The following HPF1 variants were observed in gnomAD, a reference collection of about 807,000 sequenced individuals.
The protein encoded by HPF1 is UPF0609 protein C4orf27.
HPF1 carries 35 observed loss-of-function variants against 38.8 expected under a neutral mutation model. That is an observed-to-expected ratio of 0.90 (90% CI 0.69 to 1.19). HPF1 has a LOEUF of 1.19. Among genes scored for constraint, HPF1 ranks in the 50% most tolerant of loss-of-function variants. The pLI is 0.00. For missense variants in HPF1, 367 were observed against 405.8 expected (o/e 0.90, Z 0.82); for synonymous variants, 115 against 139.2 (o/e 0.83, Z 1.22).
rs1474940550 is a variant in HPF1, at chr4:169,748,861, T to C, written c.399-19A>G. On this transcript the variant is annotated intron_variant, in intron 3 of 7. Transcript: ENST00000393381. ...AGAATCCCTGTGTAAGCAAAAGACA[T>C]TAAAAATTTAGCTGCCCATAATTTA... The C allele has an allele frequency of 5.9e-6, 7 of 1,180,692 alleles. No individual in the cohort carries two copies. The highest frequency in any genetic ancestry group is 8.5e-6 in the Non-Finnish European group (7 of 826,594). 73.1% of individuals were successfully genotyped at this position (1,180,692 alleles called of 1,614,324 possible). A position where few individuals can be genotyped will look rare whatever the true frequency, so the allele number is the denominator to read the frequency against.
At chr4:169,736,030 A>G (rs1316614620) in intron 6 of HPF1, among the ~76,000 whole-genome samples, 3 of 152,064 alleles carry the variant, frequency 2.0e-5, no homozygotes, top group Non-Finnish European at 4.4e-5. Context: ...CATATAATCA[A>G]TGTAAGAAAC....
chr4:169,742,346 T>A (rs1733980283), intron 4 of HPF1, among the ~76,000 whole-genome samples: 1 of 152,228 alleles, frequency 6.6e-6, no homozygotes, highest in Admixed American at 6.5e-5. Context: ...ATTAGCACTC[T>A]AATGTCTACA....
At chr4:169,749,675 C>A (rs1388249071) in intron 3 of HPF1, among the ~76,000 whole-genome samples, 1 of 136,856 alleles carries the variant, frequency 7.3e-6, no homozygotes, top group South Asian at 2.2e-4. Context: ...ATAATGGAAC[C>A]TAAAACTAAG....
chr4:169,737,712 A>G lies in HPF1; in HGVS notation c.684T>C (p.Val228=), dbSNP rs1733916556. The G allele has an allele frequency of 6.2e-7, 1 of 1,612,892 alleles. No individual in the cohort carries two copies. The highest frequency in any genetic ancestry group is 1.7e-5 in the Admixed American group (1 of 59,984). ...CAACATCATTTTTATCTACTGGAAC[A>G]ACCAAGCCTGCACCATGAAAGGTCT... is the stretch of plus-strand genomic sequence containing the variant. The part of the protein sequence containing the change: ...VTKTFHGAGL[V]VPVDKNDVGY... The change falls in exon 6 of 8, where the codon GTT becomes GTC. Residue 228 remains valine, a synonymous_variant. Transcript: ENST00000393381.
intron 6 of HPF1, among the ~76,000 whole-genome samples, chr4:169,737,289 CAAA>C (rs35524684): frequency 1.8e-5 from 2 of 108,510 alleles, no homozygotes; most frequent in Non-Finnish European, 1.8e-5. Flanking sequence ...CACTCCGTCT[CAAA>C]AAAAAAAAAA....
chr4:169,753,643 C>A (rs771875861), intron 2 of HPF1, 33 bp downstream of exon 2: 2 of 1,580,848 alleles, frequency 1.3e-6, no homozygotes, highest in Admixed American at 3.4e-5. Flanking sequence ...TTACTCTTTC[C>A]ATTAATACAA....
intron 4 of HPF1, 66 bp downstream of exon 4, chr4:169,748,678 A>C: frequency 1.3e-6 from 1 of 770,812 alleles, no homozygotes. Context: ...AGCCCCTCAA[A>C]CCCCCTTTGT....
At chr4:169,741,086 T>C (rs576514797) in intron 5 of HPF1, among the ~76,000 whole-genome samples, 1 of 152,340 alleles carries the variant, frequency 6.6e-6, no homozygotes, top group Admixed American at 6.5e-5. Context: ...TAAGAAACTT[T>C]CCAGTCTATA....
At chr4:169,731,984 T>A in intron 6 of HPF1, 108 bp from the exon 7 acceptor site, 1 of 848,740 alleles carries the variant, frequency 1.2e-6, no homozygotes, top group Non-Finnish European at 1.8e-6. Context: ...GACTTTGTAC[T>A]AATACAACTT....
intron 1 of HPF1, among the ~76,000 whole-genome samples, chr4:169,755,066 G>A (rs201505292): frequency 8.3e-6 from 1 of 120,404 alleles, no homozygotes; most frequent in African/African-American, 4.3e-5. Flanking sequence ...CCCTCCCCCC[G>A]CCCCCTCATA....
At chr4:169,743,003 G>A (rs1316207344) in intron 4 of HPF1, among the ~76,000 whole-genome samples, 4 of 151,124 alleles carry the variant, frequency 2.6e-5, no homozygotes, top group Non-Finnish European at 5.9e-5. Context: ...CGGGAGGCTG[G>A]GGTACGAGAA....
intron 2 of HPF1, among the ~76,000 whole-genome samples, chr4:169,751,292 A>G (rs917483730): frequency 2.5e-4 from 38 of 149,550 alleles, no homozygotes; most frequent in Non-Finnish European, 7.4e-5. Flanking sequence ...AATCCCAGCT[A>G]TTGGAGAGGC....
intron 5 of HPF1, among the ~76,000 whole-genome samples, chr4:169,740,277 C>G (rs1733952869): frequency 6.6e-6 from 1 of 152,130 alleles, no homozygotes; most frequent in Non-Finnish European, 1.5e-5. Context: ...AGATTTTGGA[C>G]AAGACACAAA....
At chr4:169,740,850 T>TA (rs1026886330) in intron 5 of HPF1, among the ~76,000 whole-genome samples, 1 of 151,918 alleles carries the variant, frequency 6.6e-6, no homozygotes, top group African/African-American at 2.4e-5. Context: ...GGTAGAAAAA[T>TA]AAAAAAAGAC....
chr4:169,753,246 C>T (rs371597717), intron 2 of HPF1, among the ~76,000 whole-genome samples: 8 of 151,946 alleles, frequency 5.3e-5, no homozygotes, highest in African/African-American at 1.7e-4. Flanking sequence ...GTTGCCCAGA[C>T]GGGTCTCGAA....
chr4:169,751,248 C>CAA (rs773336715), intron 2 of HPF1, among the ~76,000 whole-genome samples: 4 of 151,702 alleles, frequency 2.6e-5, no homozygotes, highest in Non-Finnish European at 5.9e-5. Flanking sequence ...ACTAAAAATA[C>CAA]AAAAATTAGC....
At chr4:169,734,242 C>T (rs1224251909) in intron 6 of HPF1, among the ~76,000 whole-genome samples, 1 of 152,188 alleles carries the variant, frequency 6.6e-6, no homozygotes, top group Non-Finnish European at 1.5e-5. Context: ...ACAGATGAAG[C>T]TTTCTCCAAA....
At chr4:169,745,290 G>T (rs1269623629) in intron 4 of HPF1, among the ~76,000 whole-genome samples, 1 of 152,206 alleles carries the variant, frequency 6.6e-6, no homozygotes. Context: ...CCCAGCGACA[G>T]CAAGGGCACG....
At chr4:169,738,743 C>G (rs151199110) in intron 5 of HPF1, among the ~76,000 whole-genome samples, 26 of 152,270 alleles carry the variant, frequency 1.7e-4, no homozygotes, top group African/African-American at 5.1e-4. Flanking sequence ...TAATCTGCAG[C>G]TGGATTTCAG....
Sources: gnomAD v4.1 joint callset for allele counts (sites outside exome capture counted in the v4.1 genomes callset) on GRCh38, gnomAD v4.1.1 for gene constraint, MANE v1.5 for transcripts, NCBI Gene and HGNC (gene_info 2026-07-23, HGNC 2026-07-21) for gene names.